The following ADAT1 variants were observed in gnomAD, a reference collection of about 807,000 sequenced individuals.
ADAT1 encodes adenosine deaminase tRNA specific 1.
A neutral mutation model predicts 58.6 loss-of-function variants in ADAT1; 58 were observed. The ratio of observed to expected loss-of-function variants is 0.99; its 90% CI spans 0.80 to 1.23. ADAT1 has a LOEUF of 1.23. Ranked by LOEUF, ADAT1 falls within the 50% of genes most tolerant of loss-of-function variation. The pLI, the probability that ADAT1 is intolerant of heterozygous loss-of-function variation, is 0.00. For missense variants in ADAT1, 741 were observed against 608.6 expected, an observed-to-expected ratio of 1.22 and a Z score of -2.29; for synonymous variants, 254 against 220.8, an observed-to-expected ratio of 1.15 and a Z score of -1.33.
In ADAT1 at chr16:75,618,621, G is replaced by T. The variant is rs921335110; in HGVS notation, c.258C>A (p.Ser86Arg). 4.3e-6 allele frequency: 7 copies of T among 1,612,488 alleles called. No individual in the cohort carries two copies. Among genetic ancestry groups the T allele is most frequent in the Admixed American group, 1.7e-5 (1 of 59,678 alleles). ...TCCTTCTGGCTATGACCTCAGCATG[G>T]CTATCATTGAGGATGTCTCCTGCGG... ...MRKNGDILND[S>R]HAEVIARRSF... is the part of the protein sequence containing the mutation. Residue 86 changes from serine to arginine, a missense_variant, in exon 4 of 10, where the codon AGC becomes AGA. Coordinates refer to ENST00000564657, the MANE Select transcript of ADAT1 (RefSeq NM_001324445.2).
chr16:75,618,053 A>C (rs925194446), intron 4 of ADAT1, among the ~76,000 whole-genome samples: 2 of 145,726 alleles, frequency 1.4e-5, no homozygotes, highest in Non-Finnish European at 3.0e-5. Context: ...AGCTGAGATC[A>C]CATCACTGCA....
rs761394941 is a variant in ADAT1, at chr16:75,608,794, C to T, written c.1189+49G>A. On this transcript the variant is annotated intron_variant, in intron 7 of 9. Transcript: ENST00000564657. Reference sequence around the variant, plus strand: ...GATGCCGACCCTCTGGGGCCACTCTCAGTCAGGGGAGCAGTTACTCCAGGG... The same window carrying T: ...GATGCCGACCCTCTGGGGCCACTCTTAGTCAGGGGAGCAGTTACTCCAGGG... 3.2e-6 allele frequency: 5 copies of T among 1,581,556 alleles called. No homozygotes were observed. The East Asian group carries it at 9.0e-5, about 28-fold the overall frequency.
intron 4 of ADAT1, 116 bp from the exon 5 acceptor site, chr16:75,617,388 G>T: frequency 8.7e-7 from 1 of 1,146,244 alleles, no homozygotes; most frequent in Non-Finnish European, 1.2e-6. Flanking sequence ...TGGTAGTGAT[G>T]GGGAATTATG....
At chr16:75,612,155 G>A in intron 6 of ADAT1, 88 bp downstream of exon 6, 1 of 1,399,924 alleles carries the variant, frequency 7.1e-7, no homozygotes, top group Non-Finnish European at 9.8e-7. Flanking sequence ...TGGATCAAAA[G>A]GTATGGAGAT....
At chr16:75,611,051 C>T (rs1416439548) in intron 6 of ADAT1, among the ~76,000 whole-genome samples, 1 of 152,172 alleles carries the variant, frequency 6.6e-6, no homozygotes, top group African/African-American at 2.4e-5. Context: ...GAACTGGAGG[C>T]TGTAGTAAAC....
At chr16:75,610,137 A>G (rs1357582883) in intron 6 of ADAT1, among the ~76,000 whole-genome samples, 1 of 152,220 alleles carries the variant, frequency 6.6e-6, no homozygotes, top group African/African-American at 2.4e-5. Context: ...GCAGCATGTA[A>G]TAGTACTTCA....
chr16:75,619,610 C>A, intron 3 of ADAT1: 1 of 455,378 alleles, frequency 2.2e-6, no homozygotes, highest in Non-Finnish European at 4.4e-6. Flanking sequence ...CCCAAAGCTT[C>A]CTGTCATTCA....
At chr16:75,617,639 CTTTT>C (rs947100588) in intron 4 of ADAT1, among the ~76,000 whole-genome samples, 1 of 138,384 alleles carries the variant, frequency 7.2e-6, no homozygotes. Flanking sequence ...ATTTTTGTTT[CTTTT>C]TTTTTTTTTA....
Position 75,617,194 on chromosome 16 carries a change from C to T in ADAT1, c.372G>A (p.Val124=). 2 of 1,613,966 alleles carry T rather than the reference C, an allele frequency of 1.2e-6. No homozygotes were observed. Among genetic ancestry groups the T allele is most frequent in the East Asian group, 2.2e-5 (1 of 44,888 alleles). ...AAATGAGGTCTCGTCTAAGTTTCCA[C>T]ACTCCTTTTTGAGTTCCTGGGACAA... ...SIFVPGTQKG[V]WKLRRDLIFV... Residue 124 remains valine (V), a synonymous_variant, in exon 5 of 10, where the codon GTG becomes GTA. Transcript: ENST00000564657.
Position 75,597,489 on chromosome 16 carries a change from G to T in ADAT1, c.*2727C>A. 1 of 386,142 alleles carries T rather than the reference G, an allele frequency of 2.6e-6. No homozygotes were observed. The highest frequency in any genetic ancestry group is 1.9e-5 in the South Asian group (1 of 52,478). The allele number at this position is 386,142 out of a possible 1,614,324, so 23.9% of individuals were successfully genotyped here. A position where few individuals can be genotyped will look rare whatever the true frequency, so the allele number is the denominator to read the frequency against. ...CAGTCCCCAACCTTTTTGGCACCAG[G>T]GACTGGTTTCATGGAAGATAATTTT... On this transcript the variant is annotated 3_prime_UTR_variant, in exon 10 of 10. Coordinates refer to ENST00000564657, the MANE Select transcript of ADAT1 (RefSeq NM_001324445.2).
rs1238334395 is a variant in ADAT1 at position 75,599,068 on chromosome 16, T to A, written c.*1148A>T. On this transcript the variant is annotated 3_prime_UTR_variant, in exon 10 of 10. Coordinates refer to ENST00000564657, the MANE Select transcript of ADAT1 (RefSeq NM_001324445.2). Reference sequence around the variant, plus strand: ...ATTGCTGATTTGCTGCAGGGCCTTTTGGCTTCTTTTTTTTTTTTTTTTTTT... The same window carrying A: ...ATTGCTGATTTGCTGCAGGGCCTTTAGGCTTCTTTTTTTTTTTTTTTTTTT... 1.2e-5 allele frequency: 12 copies of A among 982,574 alleles called. No homozygotes were observed. The African/African-American group carries it at 2.1e-4, about 17-fold the overall frequency. 60.9% of individuals were successfully genotyped at this position (982,574 alleles called of 1,614,324 possible). A position where few individuals can be genotyped will look rare whatever the true frequency, so the allele number is the denominator to read the frequency against.
rs1317834835 is a variant in ADAT1, at chr16:75,612,230, C to T, written c.1043+13G>A. The T allele has an allele frequency of 3.7e-6, 6 of 1,610,922 alleles. No individual in the cohort carries two copies. Among genetic ancestry groups the T allele is most frequent in the Non-Finnish European group, 5.1e-6 (6 of 1,177,930 alleles). On this transcript the variant is annotated intron_variant, in intron 6 of 9. Coordinates refer to ENST00000564657, the MANE Select transcript of ADAT1 (RefSeq NM_001324445.2). Reference sequence around the variant, plus strand: ...GAATGACTGTTCCAATTGAGCCCTCCCTACCCTCTCACCTTCCAATCAGTG... The same window carrying T: ...GAATGACTGTTCCAATTGAGCCCTCTCTACCCTCTCACCTTCCAATCAGTG...
At chr16:75,619,821 G>A in intron 3 of ADAT1, 2 of 332,902 alleles carry the variant, frequency 6.0e-6, no homozygotes, top group South Asian at 4.5e-5. Flanking sequence ...CCCAGGAAGG[G>A]GAGGTTGCAG....
intron 1 of ADAT1, among the ~76,000 whole-genome samples, chr16:75,622,007 G>A (rs557747000): frequency 6.6e-6 from 1 of 152,250 alleles, no homozygotes; most frequent in East Asian, 1.9e-4. Context: ...AAAATTAGCC[G>A]GGCGTGATGG....
chr16:75,604,135 G>A (rs947697365), intron 8 of ADAT1, among the ~76,000 whole-genome samples: 2 of 151,886 alleles, frequency 1.3e-5, no homozygotes, highest in African/African-American at 4.8e-5. Flanking sequence ...GAAGAACAAT[G>A]TAATTAGGGA....
chr16:75,620,357 G>A (rs781012782), intron 2 of ADAT1, 23 bp from the exon 3 acceptor site: 2 of 1,613,006 alleles, frequency 1.2e-6, no homozygotes, highest in Non-Finnish European at 1.7e-6. Context: ...AACAAATCGT[G>A]TGAGTTCTGA....
chr16:75,607,458 C>T (rs754906851), intron 8 of ADAT1, among the ~76,000 whole-genome samples: 11 of 150,044 alleles, frequency 7.3e-5, no homozygotes, highest in South Asian at 2.1e-4. Context: ...GCCAAGATTA[C>T]GCCACTGAAC....
rs757090085 is a variant in ADAT1 at position 75,603,164 on chromosome 16, T to C, written c.1297A>G (p.Ile433Val). 3 of 1,613,862 alleles carry C rather than the reference T, an allele frequency of 1.9e-6. No homozygotes were observed. The highest frequency in any genetic ancestry group is 2.5e-6 in the Non-Finnish European group (3 of 1,179,864). Residue 433 changes from isoleucine (I) to valine (V), a missense_variant, in exon 9 of 10, where the codon ATC becomes GTC. Ile to Val is a conservative substitution (Grantham distance 29, BLOSUM62 3). Transcript: ENST00000564657. ...TIGSLQARSQ[I>V]SKVELFRSFQ... ...GATCTGAAGAGTTCCACTTTGCTGA[T>C]TTGGGATCTGTTTGGAAAAAGAAGG... is the stretch of plus-strand genomic sequence containing the variant.
chr16:75,612,698 C>G lies in ADAT1; in HGVS notation c.588G>C (p.Lys196Asn), dbSNP rs1490673751. The change falls in exon 6 of 10, where the codon AAG (lysine) becomes AAC (asparagine). Residue 196 changes from lysine to asparagine, a missense_variant. Lys to Asn is a moderately conservative substitution (Grantham distance 94, BLOSUM62 0). Transcript: ENST00000564657. ...CTGCAGTCCCAGGCTCAAGCCTCATCTTTTTGGTTACAGGACTGTCAGGGT... is the reference window on the plus strand; with the variant it reads ...CTGCAGTCCCAGGCTCAAGCCTCATGTTTTTGGTTACAGGACTGTCAGGGT... ...CEDPDSPVTK[K>N]MRLEPGTAAR... 1.9e-6 allele frequency: 3 copies of G among 1,613,964 alleles called. No homozygotes were observed. The highest frequency in any genetic ancestry group is 2.2e-5 in the East Asian group (1 of 44,882).
Sources: gnomAD v4.1 joint callset for allele counts (sites outside exome capture counted in the v4.1 genomes callset) on GRCh38, gnomAD v4.1.1 for gene constraint, MANE v1.5 for transcripts, NCBI Gene and HGNC (gene_info 2026-07-23, HGNC 2026-07-21) for gene names.